Variants in GLRA3 observed in about 807,000 individuals in gnomAD.
GLRA3 encodes the protein glycine receptor alpha 3, also known as glycine receptor subunit alpha-3.
In GLRA3, 44 loss-of-function variants were observed where a neutral mutation model predicts 60.4. The ratio of observed to expected loss-of-function variants is 0.73; its 90% CI spans 0.57 to 0.94. GLRA3 has a LOEUF of 0.94. Among genes scored for constraint, GLRA3 ranks in the 40% least tolerant of loss-of-function variants. The pLI, the probability that GLRA3 is intolerant of heterozygous loss-of-function variation, is 0.00. For missense variants in GLRA3, 508 were observed against 564.6 expected (o/e 0.90, Z 1.02); for synonymous variants, 223 against 192.9 (o/e 1.16, Z -1.29).
intron 4 of GLRA3, among the ~76,000 whole-genome samples, chr4:174,717,110 G>A (rs1385064281): frequency 6.6e-6 from 1 of 150,892 alleles, no homozygotes; most frequent in East Asian, 1.9e-4. Context: ...TACTCAGGAA[G>A]CTGAGGTGAG....
intron 2 of GLRA3, among the ~76,000 whole-genome samples, chr4:174,780,024 A>G (rs1449182230): frequency 6.3e-5 from 9 of 143,926 alleles, no homozygotes; most frequent in Non-Finnish European, 1.2e-4. Context: ...GATTCACCAA[A>G]GTTGAAATGA....
At chr4:174,813,608 G>A (rs1004660050) in intron 1 of GLRA3, among the ~76,000 whole-genome samples, 21 of 152,218 alleles carry the variant, frequency 1.4e-4, no homozygotes, top group Admixed American at 3.3e-4. Flanking sequence ...AGATATAATT[G>A]TGCATTCAAC....
intron 1 of GLRA3, among the ~76,000 whole-genome samples, chr4:174,801,996 C>G (rs1417571295): frequency 1.3e-5 from 2 of 151,244 alleles, no homozygotes; most frequent in Non-Finnish European, 3.0e-5. Flanking sequence ...TCCAAAGTAT[C>G]TAGATAAATA....
At chr4:174,752,209 T>C (rs1195645038) in intron 3 of GLRA3, among the ~76,000 whole-genome samples, 2 of 152,082 alleles carry the variant, frequency 1.3e-5, no homozygotes, top group Admixed American at 1.3e-4. Flanking sequence ...CGATGTAGGG[T>C]ATATTAGCAC....
At chr4:174,645,804 T>G (rs968401956) in intron 9 of GLRA3, among the ~76,000 whole-genome samples, 6 of 152,206 alleles carry the variant, frequency 3.9e-5, no homozygotes, top group African/African-American at 1.2e-4. Context: ...GACTACCATT[T>G]CTTTGGCGTC....
intron 6 of GLRA3, among the ~76,000 whole-genome samples, chr4:174,678,594 C>G (rs146781324): frequency 6.6e-6 from 1 of 152,094 alleles, no homozygotes; most frequent in African/African-American, 2.4e-5. Context: ...CTGGATGAAC[C>G]CATGCATGTG....
intron 7 of GLRA3, among the ~76,000 whole-genome samples, chr4:174,676,552 G>T (rs767459248): frequency 6.6e-6 from 1 of 151,908 alleles, no homozygotes; most frequent in Non-Finnish European, 1.5e-5. Flanking sequence ...TCTATATATG[G>T]ATATATATGT....
chr4:174,732,700 A>G (rs1180297579), intron 3 of GLRA3, among the ~76,000 whole-genome samples: 2 of 152,126 alleles, frequency 1.3e-5, no homozygotes, highest in Admixed American at 1.3e-4. Context: ...AAACAAAAAA[A>G]GCAAATGCTG....
chr4:174,778,827 C>T (rs566361030), intron 2 of GLRA3, among the ~76,000 whole-genome samples: 11 of 152,112 alleles, frequency 7.2e-5, no homozygotes, highest in African/African-American at 9.7e-5. Flanking sequence ...TCCTACCCCA[C>T]GGAGTCTCGC....
intron 2 of GLRA3, among the ~76,000 whole-genome samples, chr4:174,776,906 C>A (rs1738625787): frequency 6.6e-6 from 1 of 152,110 alleles, no homozygotes; most frequent in Non-Finnish European, 1.5e-5. Context: ...AACACAATTA[C>A]AGAGTTAAAA....
chr4:174,736,283 T>C (rs115796775), intron 3 of GLRA3, among the ~76,000 whole-genome samples: 175 of 152,272 alleles, frequency 1.1e-3, no homozygotes, highest in African/African-American at 3.9e-3. Context: ...TAAATTTAAA[T>C]TTAAAATTTT....
At position 174,642,357 on chromosome 4, in the gene GLRA3, A is replaced by T. The variant is rs937255672; in HGVS notation, c.*1429T>A. Reference sequence around the variant, plus strand: ...TTAATCTTTAAAGTTTTCTCTGTGAATAATTTGGTGGACTGAGTTTGTGCA... The same window carrying T: ...TTAATCTTTAAAGTTTTCTCTGTGATTAATTTGGTGGACTGAGTTTGTGCA... On this transcript the variant is annotated 3_prime_UTR_variant, in exon 10 of 10. Coordinates refer to ENST00000274093, the MANE Select transcript of GLRA3 (RefSeq NM_006529.4). The T allele has an allele frequency of 3.8e-5, 37 of 976,520 alleles. No homozygotes were observed. The highest frequency in any genetic ancestry group is 4.1e-5 in the Non-Finnish European group (34 of 822,142). 60.5% of individuals were successfully genotyped at this position (976,520 alleles called of 1,614,324 possible).
chr4:174,770,750 T>C (rs74463014), intron 2 of GLRA3, among the ~76,000 whole-genome samples: 4,546 of 152,182 alleles, frequency 0.03, 219 homozygotes, highest in African/African-American at 0.1. Flanking sequence ...TTAAAATATC[T>C]TCATTGCTTA....
chr4:174,828,699 G>A (rs1257849182), intron 1 of GLRA3, 42 bp downstream of exon 1: 1 of 1,272,810 alleles, frequency 7.9e-7, no homozygotes, highest in East Asian at 2.3e-5. Context: ...GTAATGCACA[G>A]GCTTAATGAG....
intron 1 of GLRA3, among the ~76,000 whole-genome samples, chr4:174,800,732 G>A (rs1324918171): frequency 6.6e-6 from 1 of 151,962 alleles, no homozygotes; most frequent in African/African-American, 2.4e-5. Context: ...ACAGTGCCTA[G>A]CTTATGATGA....
Position 174,643,606 on chromosome 4 carries a change from A to G in GLRA3, c.*180T>C. The G allele has an allele frequency of 7.5e-7, 1 of 1,334,562 alleles. No individual in the cohort carries two copies. 82.7% of individuals were successfully genotyped at this position (1,334,562 alleles called of 1,614,324 possible). ...CCCTAATAAATATTTTATATTCATT[A>G]AAAGAATCTCATCTTTCTCATGACT... On this transcript the variant is annotated 3_prime_UTR_variant, in exon 10 of 10. Transcript: ENST00000274093.
intron 8 of GLRA3, among the ~76,000 whole-genome samples, chr4:174,658,112 C>T (rs993019850): frequency 6.6e-6 from 1 of 152,106 alleles, no homozygotes; most frequent in Non-Finnish European, 1.5e-5. Context: ...CCTTTAAATA[C>T]TTAAAAATGC....
At chr4:174,740,946 T>C (rs1736998389) in intron 3 of GLRA3, among the ~76,000 whole-genome samples, 2 of 152,356 alleles carry the variant, frequency 1.3e-5, no homozygotes, top group South Asian at 4.1e-4. Context: ...TTGCATTCAA[T>C]TGTACGGGCG....
chr4:174,656,864 C>G, intron 8 of GLRA3, 77 bp from the exon 9 acceptor site: 3 of 833,072 alleles, frequency 3.6e-6, no homozygotes, highest in Non-Finnish European at 6.2e-6. Flanking sequence ...TATAATTACA[C>G]AATTGGTTGT....
Sources: gnomAD v4.1 joint callset for allele counts (sites outside exome capture counted in the v4.1 genomes callset) on GRCh38, gnomAD v4.1.1 for gene constraint, MANE v1.5 for transcripts, NCBI Gene and HGNC (gene_info 2026-07-23, HGNC 2026-07-21) for gene names.